Variants in RNF34 observed in about 807,000 individuals in gnomAD.
RNF34 encodes the protein E3 ubiquitin-protein ligase RNF34.
Under a neutral mutation model 37.9 loss-of-function variants are expected in RNF34, and 12 were observed. The ratio of observed to expected loss-of-function variants is 0.32; its 90% CI spans 0.20 to 0.51. RNF34 has a LOEUF of 0.51. Ranked by LOEUF, RNF34 falls within the 20% of genes least tolerant of loss-of-function variation. The pLI, the probability that RNF34 is intolerant of heterozygous loss-of-function variation, is 0.97. For synonymous variants in RNF34, 155 were observed against 177.2 expected (o/e 0.87, Z 1.00); for missense variants, 362 against 472.7 (o/e 0.77, Z 2.17).
Position 121,421,370 on chromosome 12 carries a change from C to CT in RNF34, c.928+593dup, listed in dbSNP as rs1360729372. Among the ~76,000 whole-genome samples the CT allele has an allele frequency of 1.2e-3, 31 of 26,256 alleles. No homozygotes were observed. The South Asian group carries it at 0.013, about 11-fold the overall frequency. 17.2% of individuals were successfully genotyped at this position (26,256 alleles called of 152,430 possible). A position where few individuals can be genotyped will look rare whatever the true frequency, so the allele number is the denominator to read the frequency against. The stretch of plus-strand genomic sequence containing the variant: ...TGGGCAACATAGAGAGATCCCATCT[C>CT]TAAAAAAAAAAAAAAAAAAAAAAAA... On this transcript the variant is annotated intron_variant, in intron 5 of 5. Transcript: ENST00000361234.
chr12:121,419,356 A>G (rs1261922005), intron 3 of RNF34, among the ~76,000 whole-genome samples: 1 of 152,192 alleles, frequency 6.6e-6, no homozygotes, highest in Non-Finnish European at 1.5e-5. Context: ...AAAATCGCCT[A>G]AGGACACATT....
In RNF34 at chr12:121,423,948, T is replaced by G. The variant is rs2137227267; in HGVS notation, c.*372T>G. The G allele has an allele frequency of 5.6e-6, 1 of 179,256 alleles. No individual in the cohort carries two copies. The highest frequency in any genetic ancestry group is 1.6e-4 in the East Asian group (1 of 6,318). The allele number at this position is 179,256 out of a possible 1,614,324, so 11.1% of individuals were successfully genotyped here. On this transcript the variant is annotated 3_prime_UTR_variant, in exon 6 of 6. Coordinates refer to ENST00000361234, the MANE Select transcript of RNF34 (RefSeq NM_025126.4). The surrounding 1 kb of genome is among the most constrained non-coding windows in gnomAD (Gnocchi z 4.3). Reference sequence around the variant, plus strand: ...TTAAACTGCTCAGATGTTTGAAACTTCTGTCCTCTTTGGATGAGATCAGTG... The same window carrying G: ...TTAAACTGCTCAGATGTTTGAAACTGCTGTCCTCTTTGGATGAGATCAGTG...
At chr12:121,402,942 A>G (rs532960766) in intron 1 of RNF34, 1 of 672,972 alleles carries the variant, frequency 1.5e-6, no homozygotes, top group Admixed American at 2.2e-5. Flanking sequence ...TATGAGAGAA[A>G]TAATTTAGGA....
chr12:121,403,662 G>A (rs1555280293), intron 1 of RNF34, among the ~76,000 whole-genome samples: 1 of 152,166 alleles, frequency 6.6e-6, no homozygotes, highest in African/African-American at 2.4e-5. Flanking sequence ...CTCTGAGGAA[G>A]CTTTCATTGA....
At chr12:121,418,498 G>A (rs2137109411) in intron 3 of RNF34, 1 of 152,378 alleles carries the variant, frequency 6.6e-6, no homozygotes, top group South Asian at 2.1e-4. Flanking sequence ...CTAAACTGCT[G>A]AAAGAAATGT....
intron 3 of RNF34, 143 bp from the exon 4 acceptor site, chr12:121,420,099 G>T (rs2137139674): frequency 1.5e-6 from 1 of 669,996 alleles, no homozygotes; most frequent in Non-Finnish European, 2.5e-6. Flanking sequence ...CCAACTTTTT[G>T]GAAGGGTCAG....
intron 5 of RNF34, 132 bp downstream of exon 5, chr12:121,420,910 T>C: frequency 1.5e-6 from 1 of 669,630 alleles, no homozygotes; most frequent in Admixed American, 2.7e-5. Flanking sequence ...TATCAGTTAG[T>C]TACATGAGCC....
At position 121,417,454 on chromosome 12, in the gene RNF34, T is replaced by C. The variant is rs1210155358; in HGVS notation, c.226-50T>C. On this transcript the variant is annotated intron_variant, in intron 2 of 5. Transcript: ENST00000361234. The surrounding 1 kb of genome is among the most constrained non-coding windows in gnomAD (Gnocchi z 5.0). ...TAGAAGGCAGAAAGAAAACTCATGC[T>C]TTCATAATGGTTTATATCTTGCTGT... The C allele has an allele frequency of 6.6e-7, 1 of 1,504,248 alleles. No individual in the cohort carries two copies. The highest frequency in any genetic ancestry group is 9.0e-7 in the Non-Finnish European group (1 of 1,115,534). 93.2% of individuals were successfully genotyped at this position (1,504,248 alleles called of 1,614,324 possible).
At chr12:121,405,231 A>G (rs782510647) in intron 1 of RNF34, 2 of 152,232 alleles carry the variant, frequency 1.3e-5, no homozygotes, top group African/African-American at 4.8e-5. Flanking sequence ...AGTCTCTGCT[A>G]TGGGAGGAAA....
chr12:121,421,398 A>AAAC (rs1217065302), intron 5 of RNF34, among the ~76,000 whole-genome samples: 8 of 141,974 alleles, frequency 5.6e-5, no homozygotes, highest in East Asian at 4.0e-4. Flanking sequence ...AAAAAAAAAA[A>AAAC]CCAAAAAAAC....
At chr12:121,415,405 G>T in intron 1 of RNF34, 1 of 253,462 alleles carries the variant, frequency 3.9e-6, no homozygotes, top group Non-Finnish European at 8.7e-6. Context: ...CAGATCACTT[G>T]AGGCCACGCA....
At position 121,423,366 on chromosome 12, in the gene RNF34, A is replaced by C; in HGVS notation, c.929-20A>C. ...TGGCCATGCCTGAAGCCGAGGCCTT[A>C]GCTCTCTGTTGCCTTTCAGATGGCG... On this transcript the variant is annotated intron_variant, in intron 5 of 5. Coordinates refer to ENST00000361234, the MANE Select transcript of RNF34 (RefSeq NM_025126.4). The surrounding 1 kb of genome is among the most constrained non-coding windows in gnomAD (Gnocchi z 4.3). 5 of 1,582,346 alleles carry C rather than the reference A, an allele frequency of 3.2e-6. No homozygotes were observed. In the Admixed American group the frequency reaches 8.8e-5, roughly 28 times the overall value.
intron 1 of RNF34, among the ~76,000 whole-genome samples, chr12:121,413,251 T>C (rs1197299506): frequency 6.6e-6 from 1 of 152,016 alleles, no homozygotes; most frequent in Non-Finnish European, 1.5e-5. Flanking sequence ...GTTCTTGAAC[T>C]CCTGACCTCA....
chr12:121,416,681 C>T (rs1429850186), intron 2 of RNF34: 1 of 246,612 alleles, frequency 4.1e-6, no homozygotes, highest in Non-Finnish European at 8.0e-6. Flanking sequence ...GTTTTGTTCA[C>T]AAATGATTTA....
intron 1 of RNF34, 101 bp from the exon 2 acceptor site, chr12:121,416,055 GTTA>G: frequency 1.1e-6 from 1 of 874,276 alleles, no homozygotes; most frequent in Non-Finnish European, 1.8e-6. Flanking sequence ...TAATCTCAAA[GTTA>G]TTGAGGGCAA....
chr12:121,412,512 G>T (rs956218752), intron 1 of RNF34, among the ~76,000 whole-genome samples: 21 of 151,720 alleles, frequency 1.4e-4, no homozygotes, highest in African/African-American at 5.1e-4. Context: ...CAAACTGCTA[G>T]GATTACAGGG....
chr12:121,406,507 G>A (rs143077452), intron 1 of RNF34, among the ~76,000 whole-genome samples: 335 of 152,208 alleles, frequency 2.2e-3, no homozygotes, highest in South Asian at 2.1e-3. Context: ...CGCTGGTCTC[G>A]AACTCCTGAG....
chr12:121,420,335 G>A lies in RNF34; in HGVS notation c.726+1G>A. On this transcript the variant is annotated splice_donor_variant, in intron 4 of 5. Transcript: ENST00000361234. LOFTEE classifies it high-confidence loss of function. ...TGAAGAAGAAAACGCAGAGGATCGG[G>A]TGAGGCCACCTATAAAATTTGGTTT... The A allele has an allele frequency of 6.4e-7, 1 of 1,560,320 alleles. No individual in the cohort carries two copies. Among genetic ancestry groups the A allele is most frequent in the South Asian group, 1.2e-5 (1 of 85,286 alleles).
chr12:121,423,556 G>A lies in RNF34; in HGVS notation c.1099G>A (p.Val367Met), dbSNP rs1555283825. ...CTGCCGGCAGTATGTGGTGCGAGCC[G>A]TGCACGTGTTCAAGTCCTGAAACAG... ...PICRQYVVRA[V>M]HVFKS The change falls in exon 6 of 6, where the codon GTG becomes ATG. Residue 367 changes from valine to methionine, a missense_variant. Physicochemically the swap from Val to Met is conservative, Grantham distance 21 (BLOSUM62 1). Coordinates refer to ENST00000361234, the MANE Select transcript of RNF34 (RefSeq NM_025126.4). This position sits in a 1 kb window ranked among gnomAD's most constrained non-coding sequence, Gnocchi z 4.3. 1.9e-6 allele frequency: 3 copies of A among 1,613,548 alleles called. No individual in the cohort carries two copies. Among genetic ancestry groups the A allele is most frequent in the Admixed American group, 1.7e-5 (1 of 59,964 alleles).
Sources: allele counts gnomAD v4.1 joint callset (sites outside exome capture counted in the v4.1 genomes callset), GRCh38; gene constraint gnomAD v4.1.1; non-coding constraint Gnocchi (gnomAD v3.1); transcripts MANE v1.5; gene names NCBI Gene and HGNC (gene_info 2026-07-23, HGNC 2026-07-21).